The following RFX1 variants were observed in gnomAD, a reference collection of about 807,000 sequenced individuals.
RFX1 encodes the protein MHC class II regulatory factor RFX1.
RFX1 carries 42 observed loss-of-function variants against 119.6 expected under a neutral mutation model. That is an observed-to-expected ratio of 0.35 (90% CI 0.27 to 0.45). RFX1 has a LOEUF of 0.45. Among genes scored for constraint, RFX1 ranks in the 20% least tolerant of loss-of-function variants. RFX1 has a pLI of 1.00. For missense variants in RFX1, 1,118 were observed against 1,368.1 expected (o/e 0.82, Z 2.88); for synonymous variants, 628 against 618.5 (o/e 1.02, Z -0.23).
intron 5 of RFX1, among the ~76,000 whole-genome samples, chr19:13,981,730 T>C (rs1466226641): frequency 6.6e-6 from 1 of 152,226 alleles, no homozygotes; most frequent in Non-Finnish European, 1.5e-5. Context: ...ATTGGTGTTG[T>C]GGGTCCCCAG....
rs145488017 is a variant in RFX1 at position 13,982,089 on chromosome 19, G to C, written c.621+32C>G. 116 of 1,152,584 alleles carry C rather than the reference G, an allele frequency of 1.0e-4. No individual in the cohort carries two copies. The East Asian group carries it at 1.4e-3, about 14-fold the overall frequency. The allele number at this position is 1,152,584 out of a possible 1,614,324, so 71.4% of individuals were successfully genotyped here. ...CATTGCTGACCTCGGGAGACAGCAG[G>C]GGGGAGGGCGGCCAACAGGACCACC... On this transcript the variant is annotated intron_variant, in intron 5 of 20. Coordinates refer to ENST00000254325, the MANE Select transcript of RFX1 (RefSeq NM_002918.5).
At position 13,965,440 on chromosome 19, in the gene RFX1, C is replaced by T. The variant is rs1568457746; in HGVS notation, c.2211+9G>A. ...GAGATAGGAGAAAGGGACCCCCTCA[C>T]ACTCTCACCTTCACCCGCAGCATCT... On this transcript the variant is annotated intron_variant, in intron 16 of 20. Coordinates refer to ENST00000254325, the MANE Select transcript of RFX1 (RefSeq NM_002918.5). This position sits in a 1 kb window ranked among gnomAD's most constrained non-coding sequence, Gnocchi z 4.7. 6.2e-6 allele frequency: 10 copies of T among 1,612,248 alleles called. No individual in the cohort carries two copies. The highest frequency in any genetic ancestry group is 3.3e-4 in the Middle Eastern group (2 of 6,058).
chr19:13,984,044 G>C (rs575424601), intron 2 of RFX1, among the ~76,000 whole-genome samples: 33 of 152,224 alleles, frequency 2.2e-4, no homozygotes, highest in African/African-American at 7.7e-4. Flanking sequence ...AAGCTGCTCG[G>C]AGGAGTGGTC....
intron 9 of RFX1, 75 bp downstream of exon 9, chr19:13,972,668 C>T (rs945436536): frequency 3.5e-5 from 42 of 1,195,642 alleles, no homozygotes; most frequent in Middle Eastern, 2.8e-4. Context: ...TGGTAACCAC[C>T]GTCATGGACT....
intron 20 of RFX1, 44 bp downstream of exon 20, chr19:13,962,950 C>T: frequency 6.5e-7 from 1 of 1,548,100 alleles, no homozygotes; most frequent in South Asian, 1.2e-5. Flanking sequence ...CGTTGTCCGC[C>T]ACCCCCGGGA....
chr19:13,966,479 A>C lies in RFX1; in HGVS notation c.1903T>G (p.Trp635Gly). The C allele has an allele frequency of 6.2e-7, 1 of 1,604,898 alleles. No homozygotes were observed. The highest frequency in any genetic ancestry group is 8.5e-7 in the Non-Finnish European group (1 of 1,175,862). Residue 635 changes from tryptophan to glycine, a missense_variant, in exon 14 of 21, where the codon TGG becomes GGG. Around this residue, in one of 5 missense-constraint regions of RFX1, gnomAD observed 338 missense variants for 508.9 expected, o/e 0.66. Transcript: ENST00000254325. This position sits in a 1 kb window ranked among gnomAD's most constrained non-coding sequence, Gnocchi z 6.3. Reference sequence around the variant, plus strand: ...AGGTTGTACCTCCAGAAGGTCTTCCACAGCGTCTCCACCAGGGTGAACTGC... The same window carrying C: ...AGGTTGTACCTCCAGAAGGTCTTCCCCAGCGTCTCCACCAGGGTGAACTGC... ...NLQFTLVETLWKTFWRYNLSQ... is the reference protein window; with the variant it reads ...NLQFTLVETLGKTFWRYNLSQ...
chr19:13,983,089 C>G, intron 4 of RFX1, 98 bp downstream of exon 4: 1 of 945,914 alleles, frequency 1.1e-6, no homozygotes, highest in African/African-American at 1.6e-5. Flanking sequence ...GGACTCTTCC[C>G]TCCATCCTGG....
At chr19:13,997,123 C>T (rs996278442) in intron 1 of RFX1, among the ~76,000 whole-genome samples, 2 of 152,198 alleles carry the variant, frequency 1.3e-5, no homozygotes, top group Non-Finnish European at 2.9e-5. Flanking sequence ...CCCAAGGCCG[C>T]AGTTAAGGGC....
At chr19:14,005,015 C>A (rs1568487523) in intron 1 of RFX1, among the ~76,000 whole-genome samples, 1 of 152,168 alleles carries the variant, frequency 6.6e-6, no homozygotes, top group Non-Finnish European at 1.5e-5. Flanking sequence ...TCGTTTGACA[C>A]AAAAACATGT....
chr19:13,994,076 A>G (rs1230717508), intron 1 of RFX1, among the ~76,000 whole-genome samples, 181 bp from the exon 2 acceptor site: 2 of 152,122 alleles, frequency 1.3e-5, no homozygotes, highest in South Asian at 4.1e-4. Context: ...CCAACCCGTC[A>G]CTGCAGGGGG....
chr19:13,995,589 G>A (rs528611014), intron 1 of RFX1, among the ~76,000 whole-genome samples: 15 of 152,276 alleles, frequency 9.9e-5, no homozygotes, highest in African/African-American at 3.6e-4. Context: ...AGTGGCTCAC[G>A]CCTGTAATCC....
chr19:13,971,607 T>C (rs1974080800), intron 9 of RFX1, among the ~76,000 whole-genome samples: 1 of 152,122 alleles, frequency 6.6e-6, no homozygotes, highest in Admixed American at 6.5e-5. Context: ...TCATTATCTA[T>C]TCTCTATAAT....
Position 13,968,125 on chromosome 19 carries a change from G to T in RFX1, c.1732+440C>A, listed in dbSNP as rs56970275. ...TAAAATTAGCCAGGCATAGTGGCAC[G>T]TGCCTGTAGTTCCAGCTACTCAGGA... On this transcript the variant is annotated intron_variant, in intron 12 of 20. Transcript: ENST00000254325. The surrounding 1 kb of genome is among the most constrained non-coding windows in gnomAD (Gnocchi z 5.5). Among the ~76,000 whole-genome samples, 1 of 151,890 alleles carries T rather than the reference G, an allele frequency of 6.6e-6. No homozygotes were observed. Among genetic ancestry groups the T allele is most frequent in the Non-Finnish European group, 1.5e-5 (1 of 67,986 alleles).
Position 13,966,604 on chromosome 19 carries a change from C to A in RFX1, c.1851+29G>T. On this transcript the variant is annotated intron_variant, in intron 13 of 20. Transcript: ENST00000254325. The surrounding 1 kb of genome is among the most constrained non-coding windows in gnomAD (Gnocchi z 6.3). ...CCCATGCCCGTGGCTGCGTCCCCGT[C>A]CACTTGCCTGCCCACCTGGCCACCC... The A allele has an allele frequency of 1.3e-6, 2 of 1,557,704 alleles. No individual in the cohort carries two copies. Among genetic ancestry groups the A allele is most frequent in the South Asian group, 1.2e-5 (1 of 85,564 alleles).
chr19:13,993,563 G>A lies in RFX1; in HGVS notation c.281C>T (p.Ser94Leu), dbSNP rs764426620. The part of the protein sequence containing the change: ...PSQPTGAPTP[S>L]PAPQQYIVVT... Reference sequence around the variant, plus strand: ...CACGATGTACTGCTGGGGTGCAGGCGAAGGGGTGGGTGCACCGGTTGGCTG... The same window carrying A: ...CACGATGTACTGCTGGGGTGCAGGCAAAGGGGTGGGTGCACCGGTTGGCTG... Residue 94 changes from serine to leucine, a missense_variant, in exon 2 of 21, where the codon TCG (serine) becomes TTG (leucine). Physicochemically the swap from Ser to Leu is moderately radical, Grantham distance 145. This residue lies in a region of RFX1 where 542 missense variants were observed against 602.7 expected (regional missense o/e 0.90). Coordinates refer to ENST00000254325, the MANE Select transcript of RFX1 (RefSeq NM_002918.5). The A allele has an allele frequency of 7.4e-6, 12 of 1,612,996 alleles. No individual in the cohort carries two copies. Among genetic ancestry groups the A allele is most frequent in the East Asian group, 4.5e-5 (2 of 44,862 alleles).
At position 13,970,059 on chromosome 19, in the gene RFX1, G is replaced by T. The variant is rs200476772; in HGVS notation, c.1431C>A (p.Ala477=). 6.2e-7 allele frequency: 1 copy of T among 1,614,120 alleles called. No homozygotes were observed. Among genetic ancestry groups the T allele is most frequent in the Non-Finnish European group, 8.5e-7 (1 of 1,180,006 alleles). The change falls in exon 10 of 21, where the codon GCC becomes GCA. Residue 477 remains alanine, a synonymous_variant. Transcript: ENST00000254325. The part of the protein sequence containing the change: ...CQEQKLEPVN[A]ASFGKLIRSV... ...AGCGGATGAGCTTGCCGAAGGAGGC[G>T]GCGTTGACGGGCTCCAGCTTCTGCT...
chr19:14,006,688 C>G (rs963745490), upstream of RFX1: 2 of 152,280 alleles, frequency 1.3e-5, no homozygotes, highest in Non-Finnish European at 2.9e-5. Flanking sequence ...CGTGCGCATG[C>G]TCGGCACGCA....
chr19:13,998,086 GCTATGTCTTAA>G (rs1568483537), intron 1 of RFX1: 1 of 152,130 alleles, frequency 6.6e-6, no homozygotes, highest in Non-Finnish European at 1.5e-5. Context: ...GAACCCTGGC[GCTATGTCTTAA>G]CTCATTAACA....
At chr19:13,983,067 G>T in intron 4 of RFX1, 120 bp downstream of exon 4, 1 of 750,344 alleles carries the variant, frequency 1.3e-6, no homozygotes, top group Non-Finnish European at 2.2e-6. Flanking sequence ...AGGTAGGGCA[G>T]CCCCTGGATG....
Sources: allele counts gnomAD v4.1 joint callset (sites outside exome capture counted in the v4.1 genomes callset), GRCh38; gene constraint gnomAD v4.1.1; regional missense constraint gnomAD v4.1.1; non-coding constraint Gnocchi (gnomAD v3.1); transcripts MANE v1.5; gene names NCBI Gene and HGNC (gene_info 2026-07-23, HGNC 2026-07-21).